The following S100A8 variants were observed in gnomAD, a reference collection of about 807,000 sequenced individuals.
S100A8 encodes protein S100-A8.
In S100A8, 1 loss-of-function variant was observed where a neutral mutation model predicts 4.2. The ratio of observed to expected loss-of-function variants is 0.24; its 90% CI spans 0.08 to 1.12. S100A8 has a LOEUF of 1.12. S100A8 is among the 50% of genes most tolerant of loss of function. S100A8 has a pLI of 0.53. For synonymous variants in S100A8, 41 were observed against 44.7 expected (o/e 0.92, Z 0.33); for missense variants, 96 against 111.8 (o/e 0.86, Z 0.64).
At chr1:153,393,116 T>C (rs573310721), upstream of S100A8, among the ~76,000 whole-genome samples, 50 of 152,290 alleles carry the variant, frequency 3.3e-4, no homozygotes, top group African/African-American at 1.1e-3. Flanking sequence ...GAGTGACTCA[T>C]GATGTGATGT....
rs74115416 is a variant in S100A8 at position 153,390,586 on chromosome 1, C to A, written c.-22-29G>T. On this transcript the variant is annotated intron_variant, in intron 1 of 2. Coordinates refer to ENST00000368733, the MANE Select transcript of S100A8 (RefSeq NM_002964.5). ...AAAAACAGAACCTTCTGGGGAATCC[C>A]ATGGCAGGGAATTTGCATCTGGCCA... is the stretch of plus-strand genomic sequence containing the variant. The A allele has an allele frequency of 4.1e-3, 6,537 of 1,610,058 alleles. 212 individuals carry two copies. In the African/African-American group the frequency reaches 0.073, roughly 18 times the overall value.
the S100A8 span, among the ~76,000 whole-genome samples, chr1:153,416,109 A>C: frequency 8.0e-3 from 1,223 of 152,300 alleles, 18 homozygotes; most frequent in African/African-American, 0.027. Flanking sequence ...AACGCTCAGT[A>C]AGCGGTGGGG....
the S100A8 span, among the ~76,000 whole-genome samples, chr1:153,408,969 T>G: frequency 6.6e-6 from 1 of 152,150 alleles, no homozygotes; most frequent in Non-Finnish European, 1.5e-5. Flanking sequence ...CAAGAGCTCC[T>G]GAAGGAAGCA....
At chr1:153,393,683 T>C (rs1486284950), upstream of S100A8, among the ~76,000 whole-genome samples, 1 of 152,210 alleles carries the variant, frequency 6.6e-6, no homozygotes, top group Non-Finnish European at 1.5e-5. Flanking sequence ...GGTTAATACC[T>C]ATTATTCACC....
At chr1:153,416,938 T>C in the S100A8 span, among the ~76,000 whole-genome samples, 4 of 152,238 alleles carry the variant, frequency 2.6e-5, no homozygotes, top group Non-Finnish European at 5.9e-5. Context: ...GGAGGAGGGA[T>C]AAGGATCCCC....
At chr1:153,419,253 G>A in the S100A8 span, 174,514 of 1,613,826 alleles carry the variant, frequency 0.11, 14,227 homozygotes, top group African/African-American at 0.44. Context: ...AGACATAGCC[G>A]CAGACTACCA....
the S100A8 span, chr1:153,417,242 C>A: frequency 6.6e-6 from 1 of 152,236 alleles, no homozygotes; most frequent in East Asian, 1.9e-4. Flanking sequence ...GCAGGGCAGC[C>A]CAGGCTGGCT....
chr1:153,407,292 C>G, the S100A8 span, among the ~76,000 whole-genome samples: 21 of 152,332 alleles, frequency 1.4e-4, no homozygotes, highest in South Asian at 4.4e-3. Flanking sequence ...TTTCAGTGGT[C>G]TTAGCAAACA....
At chr1:153,421,521 T>C in the S100A8 span, 1 of 152,230 alleles carries the variant, frequency 6.6e-6, no homozygotes, top group African/African-American at 2.4e-5. Context: ...TTCTAGTCAA[T>C]ACTACTTTAT....
At chr1:153,396,234 A>G in the S100A8 span, among the ~76,000 whole-genome samples, 5 of 147,992 alleles carry the variant, frequency 3.4e-5, no homozygotes, top group African/African-American at 2.7e-5. Flanking sequence ...CTCCCCCTCA[A>G]AAAGGGGCTC....
chr1:153,419,393 C>A, the S100A8 span: 3 of 1,424,540 alleles, frequency 2.1e-6, no homozygotes, highest in African/African-American at 1.4e-5. Flanking sequence ...TTCTTCTTCT[C>A]TTTGGTGACC....
the S100A8 span, among the ~76,000 whole-genome samples, chr1:153,401,738 A>T: frequency 6.6e-6 from 1 of 152,216 alleles, no homozygotes; most frequent in East Asian, 1.9e-4. Flanking sequence ...TACTTCAAGC[A>T]GGATAATATT....
upstream of S100A8, among the ~76,000 whole-genome samples, chr1:153,394,312 A>G (rs1662168490): frequency 6.6e-6 from 1 of 152,154 alleles, no homozygotes; most frequent in South Asian, 2.1e-4. Flanking sequence ...CTTCGTACTC[A>G]ATGCCTGTGG....
chr1:153,414,328 C>A, the S100A8 span, among the ~76,000 whole-genome samples: 5 of 152,160 alleles, frequency 3.3e-5, no homozygotes, highest in Admixed American at 2.0e-4. Context: ...AGATAAGCCA[C>A]AGACTGGGAG....
the S100A8 span, among the ~76,000 whole-genome samples, chr1:153,400,738 C>T: frequency 2.6e-5 from 4 of 152,244 alleles, no homozygotes; most frequent in South Asian, 2.1e-4. Context: ...AAAATTGTAT[C>T]GAATTCTTTG....
chr1:153,391,223 A>C (rs1662089792), upstream of S100A8: 2 of 985,232 alleles, frequency 2.0e-6, no homozygotes, highest in Admixed American at 1.2e-4. Flanking sequence ...GTGCAGAATG[A>C]AAATTTTGGG....
chr1:153,390,956 C>T (rs1662080874), intron 1 of S100A8, 85 bp downstream of exon 1: 1 of 937,474 alleles, frequency 1.1e-6, no homozygotes, highest in Non-Finnish European at 1.3e-6. Context: ...CTTTCTCTCT[C>T]CTCTCTCAGG....
At chr1:153,390,876 G>C (rs1662078823) in intron 1 of S100A8, 165 bp downstream of exon 1, 1 of 446,810 alleles carries the variant, frequency 2.2e-6, no homozygotes, top group Non-Finnish European at 3.3e-6. Flanking sequence ...GGTGCTGGAG[G>C]ATACTCTCCT....
chr1:153,411,727 A>C, the S100A8 span, among the ~76,000 whole-genome samples: 1 of 152,232 alleles, frequency 6.6e-6, no homozygotes, highest in Non-Finnish European at 1.5e-5. Flanking sequence ...CCTGACTTCA[A>C]ACTATACTAC....
Sources: allele counts gnomAD v4.1 joint callset (sites outside exome capture counted in the v4.1 genomes callset), GRCh38; gene constraint gnomAD v4.1.1; transcripts MANE v1.5; gene names NCBI Gene and HGNC (gene_info 2026-07-23, HGNC 2026-07-21).